Variants in AIF1L observed in about 807,000 individuals in gnomAD.
The protein encoded by AIF1L is allograft inflammatory factor 1-like.
A neutral mutation model predicts 20.7 loss-of-function variants in AIF1L; 12 were observed. The ratio of observed to expected loss-of-function variants is 0.58; its 90% CI spans 0.37 to 0.94. The LOEUF (loss-of-function observed/expected upper bound fraction) is 0.94. Ranked by LOEUF, AIF1L falls within the 40% of genes least tolerant of loss-of-function variation. AIF1L has a pLI of 0.01. For synonymous variants in AIF1L, 76 were observed against 65.1 expected (o/e 1.17, Z -0.81); for missense variants, 173 against 185.3 (o/e 0.93, Z 0.39).
chr9:131,098,139 T>G (rs1222187597), intron 2 of AIF1L: 4 of 152,332 alleles, frequency 2.6e-5, no homozygotes, highest in African/African-American at 9.7e-5. Flanking sequence ...TGATTCCCCC[T>G]TGGTTTTCTT....
At chr9:131,117,681 G>A (rs1418094382) in intron 4 of AIF1L, 75 bp from the exon 5 acceptor site, 10 of 1,486,530 alleles carry the variant, frequency 6.7e-6, no homozygotes, top group Non-Finnish European at 9.0e-6. Context: ...GGGTGCCTGA[G>A]TGGAGCTTTC....
intron 2 of AIF1L, among the ~76,000 whole-genome samples, chr9:131,109,427 C>G (rs1830824280): frequency 6.6e-6 from 1 of 152,110 alleles, no homozygotes; most frequent in Admixed American, 6.6e-5. Context: ...AGCATGGTGG[C>G]ACACTCCTGT....
chr9:131,106,121 G>A, intron 2 of AIF1L: 4 of 1,502,348 alleles, frequency 2.7e-6, no homozygotes, highest in South Asian at 1.2e-5. Flanking sequence ...TGGGCACTTC[G>A]ACGCTAAACC....
rs527838628 is a variant in AIF1L at position 131,105,514 on chromosome 9, G to A, written c.94-6083G>A. 5.9e-5 allele frequency among the ~76,000 whole-genome samples: 9 copies of A among 152,014 alleles called. No individual in the cohort carries two copies. In the South Asian group the frequency reaches 1.3e-3, roughly 21 times the overall value. On this transcript the variant is annotated intron_variant, in intron 2 of 5. Transcript: ENST00000247291. ...CAAGTATAGCTGGGATTACAGGTACGTGTGGTTTTTAGTAGAGACAGGATT... is the reference window on the plus strand; with the variant it reads ...CAAGTATAGCTGGGATTACAGGTACATGTGGTTTTTAGTAGAGACAGGATT...
chr9:131,109,008 A>G (rs953842486), intron 2 of AIF1L, among the ~76,000 whole-genome samples: 1 of 152,232 alleles, frequency 6.6e-6, no homozygotes, highest in African/African-American at 2.4e-5. Context: ...GTAAGAACAG[A>G]CTTGGCCATC....
chr9:131,097,941 C>T (rs1423817293), intron 2 of AIF1L, among the ~76,000 whole-genome samples: 2 of 152,252 alleles, frequency 1.3e-5, no homozygotes, highest in East Asian at 1.9e-4. Flanking sequence ...GAGGCACGCC[C>T]GCTGAAACAA....
intron 1 of AIF1L, 65 bp from the exon 2 acceptor site, chr9:131,096,737 C>T (rs1009315266): frequency 3.4e-6 from 5 of 1,471,250 alleles, no homozygotes; most frequent in Non-Finnish European, 4.5e-6. Context: ...GGGAAGCGGG[C>T]GGGGACGGGG....
At chr9:131,112,674 C>A (rs374104411) in intron 3 of AIF1L, among the ~76,000 whole-genome samples, 3 of 152,220 alleles carry the variant, frequency 2.0e-5, no homozygotes, top group African/African-American at 7.2e-5. Flanking sequence ...GAACTCATGT[C>A]GGTCTGGCTC....
chr9:131,101,459 A>G (rs541235743), intron 2 of AIF1L, among the ~76,000 whole-genome samples: 2 of 149,966 alleles, frequency 1.3e-5, no homozygotes, highest in East Asian at 2.0e-4. Context: ...TGATCCTTGC[A>G]CTTCAGCCTC....
In AIF1L at chr9:131,120,433, G is replaced by T; in HGVS notation, c.*111G>T. 3 of 893,900 alleles carry T rather than the reference G, an allele frequency of 3.4e-6. No homozygotes were observed. Among genetic ancestry groups the T allele is most frequent in the Non-Finnish European group, 5.0e-6 (3 of 597,586 alleles). 55.4% of individuals were successfully genotyped at this position (893,900 alleles called of 1,614,324 possible). A position where few individuals can be genotyped will look rare whatever the true frequency, so the allele number is the denominator to read the frequency against. On this transcript the variant is annotated 3_prime_UTR_variant, in exon 6 of 6. Transcript: ENST00000247291. Reference sequence around the variant, plus strand: ...TCTCTCATTTGTTTGGTCATTGAGGGTTTGTTTGTGTTTTCATCAATGTCT... The same window carrying T: ...TCTCTCATTTGTTTGGTCATTGAGGTTTTGTTTGTGTTTTCATCAATGTCT...
intron 2 of AIF1L, among the ~76,000 whole-genome samples, chr9:131,099,785 G>A (rs982926585): frequency 6.6e-6 from 1 of 150,650 alleles, no homozygotes; most frequent in Non-Finnish European, 1.5e-5. Context: ...GGAGTGCAGT[G>A]GCGTGATCTC....
At chr9:131,115,950 G>C (rs1220893968) in intron 4 of AIF1L, among the ~76,000 whole-genome samples, 4 of 150,746 alleles carry the variant, frequency 2.7e-5, no homozygotes, top group Non-Finnish European at 5.9e-5. Context: ...CTCCAGCCTA[G>C]GGGACAAGAG....
At chr9:131,098,169 A>C (rs1830564733) in intron 2 of AIF1L, 1 of 152,288 alleles carries the variant, frequency 6.6e-6, no homozygotes, top group African/African-American at 2.4e-5. Flanking sequence ...GGATGTAGGC[A>C]GCCTGTCTGT....
intron 2 of AIF1L, among the ~76,000 whole-genome samples, chr9:131,110,427 G>A (rs949035146): frequency 6.6e-5 from 10 of 151,084 alleles, no homozygotes; most frequent in African/African-American, 2.4e-4. Context: ...AAACAGGTGA[G>A]AGGGTAAGTG....
intron 2 of AIF1L, among the ~76,000 whole-genome samples, chr9:131,102,050 G>T (rs13298718): frequency 6.6e-6 from 1 of 152,234 alleles, no homozygotes; most frequent in East Asian, 1.9e-4. Context: ...CCGAGTAGCT[G>T]GGATTACAAG....
At chr9:131,096,746 G>T in intron 1 of AIF1L, 56 bp from the exon 2 acceptor site, 1 of 1,491,404 alleles carries the variant, frequency 6.7e-7, no homozygotes, top group Non-Finnish European at 8.9e-7. Context: ...GCGGGGACGG[G>T]GGCGCGTGGC....
At chr9:131,098,554 G>A (rs1040529965) in intron 2 of AIF1L, among the ~76,000 whole-genome samples, 7 of 152,314 alleles carry the variant, frequency 4.6e-5, no homozygotes, top group Admixed American at 3.3e-4. Context: ...GCTGGAGATG[G>A]GGGTGAGGTG....
intron 2 of AIF1L, chr9:131,098,364 A>G (rs1347124274): frequency 6.6e-6 from 1 of 152,322 alleles, no homozygotes; most frequent in Non-Finnish European, 1.5e-5. Flanking sequence ...GGGGTCTCGG[A>G]TCCCTGCTGG....
At chr9:131,118,879 C>G (rs1831071746) in intron 5 of AIF1L, among the ~76,000 whole-genome samples, 1 of 152,118 alleles carries the variant, frequency 6.6e-6, no homozygotes. Flanking sequence ...CTCCACTACC[C>G]CCACAGGCTT....
Sources: allele counts gnomAD v4.1 joint callset (sites outside exome capture counted in the v4.1 genomes callset), GRCh38; gene constraint gnomAD v4.1.1; transcripts MANE v1.5; gene names NCBI Gene and HGNC (gene_info 2026-07-23, HGNC 2026-07-21).